Variants in NEK10 observed in about 807,000 individuals in gnomAD.
NEK10 encodes serine/threonine-protein kinase Nek10.
A neutral mutation model predicts 159.8 loss-of-function variants in NEK10; 122 were observed. The observed-to-expected ratio is 0.76, with a 90% CI of 0.66 to 0.89. NEK10 has a LOEUF of 0.89. Ranked by LOEUF, NEK10 falls within the 40% of genes least tolerant of loss-of-function variation. The pLI is 0.00. For missense variants in NEK10, 1,342 were observed against 1,323.1 expected (o/e 1.01, Z -0.22); for synonymous variants, 466 against 457.1 (o/e 1.02, Z -0.25).
At chr3:27,274,493 T>C (rs933977995) in intron 22 of NEK10, among the ~76,000 whole-genome samples, 2 of 152,132 alleles carry the variant, frequency 1.3e-5, no homozygotes, top group East Asian at 3.9e-4. Context: ...AAATCATTCT[T>C]CAGAATGGGG....
intron 25 of NEK10, among the ~76,000 whole-genome samples, chr3:27,192,608 A>C (rs1213566216): frequency 2.6e-5 from 4 of 152,098 alleles, no homozygotes. Flanking sequence ...AAAAAAAAAA[A>C]AAAAAGCCCA....
chr3:27,255,578 T>G (rs915314759), intron 23 of NEK10, among the ~76,000 whole-genome samples: 1 of 152,180 alleles, frequency 6.6e-6, no homozygotes, highest in Non-Finnish European at 1.5e-5. Context: ...AATCTGCTTT[T>G]CTACTCTTTA....
chr3:27,351,417 T>C (rs2047961656), intron 3 of NEK10, among the ~76,000 whole-genome samples: 3 of 152,150 alleles, frequency 2.0e-5, no homozygotes, highest in Middle Eastern at 3.2e-3. Flanking sequence ...GGTTCAGAAC[T>C]AGACTTCACC....
At chr3:27,250,337 C>A (rs545612899) in intron 23 of NEK10, among the ~76,000 whole-genome samples, 63 of 152,194 alleles carry the variant, frequency 4.1e-4, no homozygotes, top group African/African-American at 1.5e-3. Flanking sequence ...CAGGCGCCCA[C>A]CACCATGCCC....
At chr3:27,355,065 C>T (rs905181511) in intron 1 of NEK10, among the ~76,000 whole-genome samples, 4 of 152,180 alleles carry the variant, frequency 2.6e-5, no homozygotes, top group African/African-American at 4.8e-5. Context: ...CTAAAATCAA[C>T]GACTCCATGT....
At position 27,109,633 on chromosome 3, in the gene NEK10, A is replaced by G. The variant is rs1442944995; in HGVS notation, c.*1639T>C. ...CAGGTCTGTGCTTCCTGCATGAAGA[A>G]GAAATGTGCCCCTTTCATACACTGA... On this transcript the variant is annotated 3_prime_UTR_variant, in exon 36 of 36. Coordinates refer to ENST00000691995, the MANE Select transcript of NEK10 (RefSeq NM_001394966.1). Among the ~76,000 whole-genome samples, 1 of 152,200 alleles carries G rather than the reference A, an allele frequency of 6.6e-6. No individual in the cohort carries two copies. The highest frequency in any genetic ancestry group is 1.5e-5 in the Non-Finnish European group (1 of 68,032).
chr3:27,171,638 A>C (rs996803463), intron 29 of NEK10, among the ~76,000 whole-genome samples, 181 bp downstream of exon 29: 9 of 152,202 alleles, frequency 5.9e-5, no homozygotes, highest in African/African-American at 2.2e-4. Context: ...ACCCAGGTCC[A>C]AGATCAGTAC....
At chr3:27,249,036 C>T (rs1955391558) in intron 23 of NEK10, among the ~76,000 whole-genome samples, 1 of 152,210 alleles carries the variant, frequency 6.6e-6, no homozygotes, top group South Asian at 2.1e-4. Context: ...ATAATCCCCA[C>T]ATGTCAAGGG....
chr3:27,204,301 G>GTT (rs567092116), intron 23 of NEK10, among the ~76,000 whole-genome samples: 88 of 66,312 alleles, frequency 1.3e-3, no homozygotes, highest in Middle Eastern at 0.015. Context: ...TTTTGTTGTT[G>GTT]TTTTTTTTTT....
intron 29 of NEK10, among the ~76,000 whole-genome samples, chr3:27,170,624 C>T (rs890227182): frequency 7.9e-5 from 12 of 151,960 alleles, no homozygotes; most frequent in Admixed American, 7.2e-4. Context: ...CTCAGCTACT[C>T]GGGAGGCGGA....
chr3:27,224,493 T>C (rs1952426989), intron 23 of NEK10, among the ~76,000 whole-genome samples: 1 of 152,162 alleles, frequency 6.6e-6, no homozygotes, highest in Non-Finnish European at 1.5e-5. Flanking sequence ...AGACAGGAAA[T>C]GAATTATTCT....
intron 31 of NEK10, among the ~76,000 whole-genome samples, chr3:27,139,278 G>T (rs1338811836): frequency 6.6e-6 from 1 of 152,106 alleles, no homozygotes; most frequent in Non-Finnish European, 1.5e-5. Flanking sequence ...ATTAAAAATA[G>T]CTTGCCACTC....
At chr3:27,347,240 C>T (rs1264803975) in intron 3 of NEK10, among the ~76,000 whole-genome samples, 2 of 152,040 alleles carry the variant, frequency 1.3e-5, no homozygotes, top group Non-Finnish European at 2.9e-5. Context: ...TTCAGCCAGG[C>T]GTAGTGGCTC....
At chr3:27,114,305 T>A (rs1275746030) in intron 35 of NEK10, among the ~76,000 whole-genome samples, 1 of 152,164 alleles carries the variant, frequency 6.6e-6, no homozygotes, top group Non-Finnish European at 1.5e-5. Context: ...AGCCCTTGAA[T>A]AGAAAATGAA....
chr3:27,307,551 C>T (rs1262052573), intron 11 of NEK10, among the ~76,000 whole-genome samples: 2 of 152,050 alleles, frequency 1.3e-5, no homozygotes, highest in Admixed American at 1.3e-4. Flanking sequence ...ACTAGAGCCA[C>T]CTCAGAGTTT....
intron 13 of NEK10, among the ~76,000 whole-genome samples, chr3:27,297,895 C>T (rs2043480211): frequency 6.6e-6 from 1 of 152,182 alleles, no homozygotes; most frequent in Non-Finnish European, 1.5e-5. Flanking sequence ...TAGCACAGAG[C>T]TCCTATAAAG....
chr3:27,350,199 G>A (rs577592589), intron 3 of NEK10, among the ~76,000 whole-genome samples: 5 of 152,204 alleles, frequency 3.3e-5, no homozygotes, highest in South Asian at 2.1e-4. Flanking sequence ...GAAAATCTCC[G>A]AACCAAATAT....
chr3:27,246,884 T>C (rs1955125757), intron 23 of NEK10, among the ~76,000 whole-genome samples: 5 of 152,220 alleles, frequency 3.3e-5, no homozygotes, highest in Admixed American at 3.3e-4. Context: ...TATTACTTTC[T>C]TGATTTCTTT....
chr3:27,130,075 A>G (rs1692528179), intron 32 of NEK10, among the ~76,000 whole-genome samples: 1 of 152,182 alleles, frequency 6.6e-6, no homozygotes, highest in South Asian at 2.1e-4. Flanking sequence ...CTGCCTGTAG[A>G]GGAATGGAAC....
Sources: gnomAD v4.1 joint callset for allele counts (sites outside exome capture counted in the v4.1 genomes callset) on GRCh38, gnomAD v4.1.1 for gene constraint, MANE v1.5 for transcripts, NCBI Gene and HGNC (gene_info 2026-07-23, HGNC 2026-07-21) for gene names.